Variants in SPATS2 observed in about 807,000 individuals in gnomAD.
SPATS2 encodes spermatogenesis-associated serine-rich protein 2.
SPATS2 carries 38 observed loss-of-function variants against 63.7 expected under a neutral mutation model. The observed-to-expected ratio is 0.60, with a 90% CI of 0.46 to 0.78. The LOEUF (loss-of-function observed/expected upper bound fraction) is 0.78, where lower values mean the gene tolerates loss of function less well. Ranked by LOEUF, SPATS2 falls within the 30% of genes least tolerant of loss-of-function variation. The probability of loss-of-function intolerance (pLI) is 0.00; values close to 1 mark genes in which losing one functional copy is unlikely to be tolerated. For missense variants in SPATS2, 588 were observed against 666.2 expected, an observed-to-expected ratio of 0.88 and a Z score of 1.29; for synonymous variants, 207 against 232.9, an observed-to-expected ratio of 0.89 and a Z score of 1.01.
At position 49,526,399 on chromosome 12, in the gene SPATS2, GTCTCCTTA is replaced by G; in HGVS notation, c.*146_*153del. 5.9e-6 allele frequency: 6 copies of G among 1,018,154 alleles called. No individual in the cohort carries two copies. The highest frequency in any genetic ancestry group is 8.3e-6 in the Non-Finnish European group (6 of 723,310). The allele number at this position is 1,018,154 out of a possible 1,614,324, so 63.1% of individuals were successfully genotyped here. ...CCATTCTAAGTATTTTTGGTTTCTT[GTCTCCTTA>G]TTTCCTCTTTACCATTTTTGGAGGG... On this transcript the variant is annotated 3_prime_UTR_variant, in exon 14 of 14. Coordinates refer to ENST00000552918, the MANE Select transcript of SPATS2 (RefSeq NM_023071.4).
At chr12:49,379,290 G>A (rs1944166016) in intron 2 of SPATS2, among the ~76,000 whole-genome samples, 1 of 150,358 alleles carries the variant, frequency 6.7e-6, no homozygotes, top group African/African-American at 2.4e-5. Flanking sequence ...GCTCACGCCT[G>A]TAATCCTAGC....
chr12:49,493,164 G>A (rs1234411729), intron 6 of SPATS2, among the ~76,000 whole-genome samples: 1 of 151,814 alleles, frequency 6.6e-6, no homozygotes, highest in African/African-American at 2.4e-5. Context: ...TTTATCTAGA[G>A]TTCAATCATG....
intron 2 of SPATS2, among the ~76,000 whole-genome samples, chr12:49,394,712 T>C (rs760067046): frequency 2.6e-5 from 4 of 152,168 alleles, no homozygotes; most frequent in Non-Finnish European, 5.9e-5. Context: ...GCTAAACTCA[T>C]TTATTATTAT....
intron 3 of SPATS2, chr12:49,462,446 G>T (rs759588770): frequency 1.4e-6 from 1 of 702,158 alleles, no homozygotes; most frequent in South Asian, 1.5e-5. Flanking sequence ...TGCTCTTCTG[G>T]CTCTGCCATT....
intron 12 of SPATS2, among the ~76,000 whole-genome samples, 187 bp downstream of exon 12, chr12:49,523,040 C>A (rs1946968826): frequency 1.3e-5 from 2 of 152,110 alleles, no homozygotes; most frequent in African/African-American, 4.8e-5. Flanking sequence ...AAGTATTTGC[C>A]AGCTCCCTAA....
At position 49,367,534 on chromosome 12, in the gene SPATS2, G is replaced by A. The variant is rs1385096160; in HGVS notation, c.-360G>A. The A allele has an allele frequency of 2.5e-6, 1 of 398,316 alleles. No homozygotes were observed. Among genetic ancestry groups the A allele is most frequent in the Non-Finnish European group, 4.4e-6 (1 of 226,166 alleles). The allele number at this position is 398,316 out of a possible 1,614,324, so 24.7% of individuals were successfully genotyped here. A position where few individuals can be genotyped will look rare whatever the true frequency, so the allele number is the denominator to read the frequency against. On this transcript the variant is annotated 5_prime_UTR_variant, in exon 1 of 14. Transcript: ENST00000552918. ...CCTCTTCTCAGACCCGGGAGCGTCC[G>A]GGACGCGGAGCCCGGAGCTGGGGCG...
chr12:49,513,208 A>AGT (rs1491490154), intron 9 of SPATS2, among the ~76,000 whole-genome samples: 1 of 143,460 alleles, frequency 7.0e-6, no homozygotes, highest in African/African-American at 2.7e-5. Context: ...CGAGAGAGAA[A>AGT]GAGTGTGTGT....
chr12:49,483,665 C>T (rs746311641), intron 3 of SPATS2, among the ~76,000 whole-genome samples: 5 of 152,108 alleles, frequency 3.3e-5, no homozygotes, highest in South Asian at 2.1e-4. Context: ...AGAGTATTAC[C>T]GTGGTTTTTT....
Position 49,411,004 on chromosome 12 carries a change from A to AT in SPATS2, c.-244+39717dup, listed in dbSNP as rs568043767. 4.6e-5 allele frequency among the ~76,000 whole-genome samples: 7 copies of AT among 152,022 alleles called. No homozygotes were observed. The South Asian group carries it at 1.5e-3, about 32-fold the overall frequency. ...TTGTGGGTTCTCTGTGGGAGGTGAC[A>AT]TTTACTTATTTCAAAATTTGTATAG... is the stretch of plus-strand genomic sequence containing the variant. On this transcript the variant is annotated intron_variant, in intron 2 of 13. Coordinates refer to ENST00000552918, the MANE Select transcript of SPATS2 (RefSeq NM_023071.4).
intron 2 of SPATS2, among the ~76,000 whole-genome samples, chr12:49,444,172 G>A (rs1280067603): frequency 6.7e-6 from 1 of 149,874 alleles, no homozygotes; most frequent in East Asian, 1.9e-4. Flanking sequence ...TATGAGATTT[G>A]TACATCTGTT....
intron 10 of SPATS2, among the ~76,000 whole-genome samples, chr12:49,517,282 TG>T (rs1946866906): frequency 1.3e-5 from 2 of 152,206 alleles, no homozygotes; most frequent in Admixed American, 6.5e-5. Flanking sequence ...CCTGAGAAAG[TG>T]GGCCCTGATT....
chr12:49,526,531 C>T lies in SPATS2; in HGVS notation c.*276C>T. 2.3e-6 allele frequency: 1 copy of T among 426,802 alleles called. No individual in the cohort carries two copies. Among genetic ancestry groups the T allele is most frequent in the Non-Finnish European group, 4.2e-6 (1 of 238,884 alleles). 26.4% of individuals were successfully genotyped at this position (426,802 alleles called of 1,614,324 possible). On this transcript the variant is annotated 3_prime_UTR_variant, in exon 14 of 14. Coordinates refer to ENST00000552918, the MANE Select transcript of SPATS2 (RefSeq NM_023071.4). Reference sequence around the variant, plus strand: ...GAGGCAGCTGTTACCAGGTTTCGGCCTTCCAGTTGATCCCTCCACTGTCCA... The same window carrying T: ...GAGGCAGCTGTTACCAGGTTTCGGCTTTCCAGTTGATCCCTCCACTGTCCA...
chr12:49,514,657 A>G, intron 10 of SPATS2, 44 bp downstream of exon 10: 1 of 1,568,528 alleles, frequency 6.4e-7, no homozygotes, highest in Non-Finnish European at 8.7e-7. Context: ...CTTCATAAAT[A>G]GTAGGTACCT....
rs1206339401 is a variant in SPATS2, at chr12:49,500,125, A to C, written c.759A>C (p.Ala253=). Residue 253 remains alanine, a synonymous_variant, in exon 9 of 14, where the codon GCA becomes GCC. Coordinates refer to ENST00000552918, the MANE Select transcript of SPATS2 (RefSeq NM_023071.4). ...TCCAGCGCTGCACAGTGTCTCTTGC[A>C]CGGTATCGAGTTGTAGTTAAAGAAG... is the stretch of plus-strand genomic sequence containing the variant. ...KDLQRCTVSL[A]RYRVVVKEEM... The C allele has an allele frequency of 4.3e-6, 7 of 1,611,332 alleles. No individual in the cohort carries two copies. The highest frequency in any genetic ancestry group is 5.9e-6 in the Non-Finnish European group (7 of 1,178,992).
chr12:49,415,149 C>G (rs772800093), intron 2 of SPATS2, among the ~76,000 whole-genome samples: 59 of 151,936 alleles, frequency 3.9e-4, no homozygotes, highest in Admixed American at 5.2e-4. Flanking sequence ...GCAGGCTGGT[C>G]TCGAACTCCT....
chr12:49,458,185 T>G (rs758239645), intron 2 of SPATS2, among the ~76,000 whole-genome samples: 1 of 152,052 alleles, frequency 6.6e-6, no homozygotes, highest in East Asian at 1.9e-4. Context: ...AAATTATTTT[T>G]CAGCCAGGCA....
Position 49,421,071 on chromosome 12 carries a change from G to C in SPATS2, c.-243-39699G>C, listed in dbSNP as rs530127435. Among the ~76,000 whole-genome samples, 55 of 152,212 alleles carry C rather than the reference G, an allele frequency of 3.6e-4. No individual in the cohort carries two copies. The South Asian group carries it at 0.011, about 30-fold the overall frequency. ...ATCCAAAACTGGCTTTTTCCACCAGGAAAAATTGTTGCCCCTTACACTGAT... is the reference window on the plus strand; with the variant it reads ...ATCCAAAACTGGCTTTTTCCACCAGCAAAAATTGTTGCCCCTTACACTGAT... On this transcript the variant is annotated intron_variant, in intron 2 of 13. Coordinates refer to ENST00000552918, the MANE Select transcript of SPATS2 (RefSeq NM_023071.4).
chr12:49,495,072 T>C (rs990263922), intron 7 of SPATS2, 70 bp downstream of exon 7: 46 of 1,416,200 alleles, frequency 3.2e-5, no homozygotes, highest in Non-Finnish European at 4.3e-5. Flanking sequence ...GTTGAGAAAG[T>C]GATCAATTAA....
intron 2 of SPATS2, among the ~76,000 whole-genome samples, chr12:49,452,898 T>A (rs571852879): frequency 3.2e-4 from 49 of 152,048 alleles, no homozygotes; most frequent in Non-Finnish European, 1.2e-4. Flanking sequence ...TGGCTCACGC[T>A]TGTAATCCCA....
Sources: gnomAD v4.1 joint callset for allele counts (sites outside exome capture counted in the v4.1 genomes callset) on GRCh38, gnomAD v4.1.1 for gene constraint, MANE v1.5 for transcripts, NCBI Gene and HGNC (gene_info 2026-07-23, HGNC 2026-07-21) for gene names.